SLCO3A1: variants seen among roughly 807,000 people sequenced by gnomAD.
The protein encoded by SLCO3A1 is solute carrier organic anion transporter family member 3A1.
In SLCO3A1, 27 loss-of-function variants were observed where a neutral mutation model predicts 63.1. That is an observed-to-expected ratio of 0.43 (90% confidence interval 0.32 to 0.59). The LOEUF (loss-of-function observed/expected upper bound fraction) is 0.59. Ranked by LOEUF, SLCO3A1 falls within the 20% of genes least tolerant of loss-of-function variation. The pLI is 0.09. For synonymous variants in SLCO3A1, 473 were observed against 409.9 expected (o/e 1.15, Z -1.86); for missense variants, 773 against 945.8 (o/e 0.82, Z 2.40).
At chr15:92,112,050 G>T (rs982576397) in intron 4 of SLCO3A1, among the ~76,000 whole-genome samples, 2 of 152,214 alleles carry the variant, frequency 1.3e-5, no homozygotes, top group African/African-American at 2.4e-5. Flanking sequence ...CTCACAGGAG[G>T]TTCAAAGGGA....
chr15:92,154,203 T>C lies in SLCO3A1; in HGVS notation c.1753+3189T>C, dbSNP rs74028836. The stretch of plus-strand genomic sequence containing the variant: ...GAAATAAAAGGAGGAATCTGCATTA[T>C]GCATTATTCTCCAAGTGGAAGCATA... On this transcript the variant is annotated intron_variant, in intron 9 of 9. Transcript: ENST00000318445. Among the ~76,000 whole-genome samples the C allele has an allele frequency of 9.0e-3, 1,367 of 152,324 alleles. 16 individuals carry two copies. Among genetic ancestry groups the C allele is most frequent in the African/African-American group, 0.031 (1,302 of 41,562 alleles).
At chr15:92,024,216 A>T (rs7165226) in intron 2 of SLCO3A1, among the ~76,000 whole-genome samples, 24,363 of 152,204 alleles carry the variant, frequency 0.16, 2,169 homozygotes, top group East Asian at 0.37. Context: ...CATACATATC[A>T]TGGGCAGAGT....
At chr15:91,928,714 TATTCAGGGC>T (rs1228031338) in intron 2 of SLCO3A1, among the ~76,000 whole-genome samples, 1 of 152,148 alleles carries the variant, frequency 6.6e-6, no homozygotes, top group Non-Finnish European at 1.5e-5. Context: ...GGGTCTGGGG[TATTCAGGGC>T]CTAGTTCTGT....
intron 2 of SLCO3A1, among the ~76,000 whole-genome samples, chr15:92,028,908 A>AGTGTGTGTGTGTGTGTGTGT (rs61238614): frequency 0.084 from 10,060 of 119,858 alleles, 823 homozygotes; most frequent in Admixed American, 0.12. Flanking sequence ...TGCAGGCACA[A>AGTGTGTGTGTGTGTGTGTGT]GTGTGTGTGT....
chr15:92,148,834 G>A (rs929357158), intron 8 of SLCO3A1: 11 of 152,284 alleles, frequency 7.2e-5, no homozygotes, highest in African/African-American at 2.7e-4. Context: ...TTATGGCACT[G>A]CAGCTCCATG....
rs1898650056 is a variant in SLCO3A1, at chr15:91,916,175, G to T, written c.363G>T (p.Leu121=). The T allele has an allele frequency of 1.2e-6, 2 of 1,600,342 alleles. No homozygotes were observed. Among genetic ancestry groups the T allele is most frequent in the East Asian group, 2.3e-5 (1 of 44,396 alleles). Residue 121 remains leucine (L), a synonymous_variant, in exon 2 of 10, where the codon CTG becomes CTT. Coordinates refer to ENST00000318445, the MANE Select transcript of SLCO3A1 (RefSeq NM_013272.4). This position sits in a 1 kb window ranked among gnomAD's most constrained non-coding sequence, Gnocchi z 6.2. ...CGGIVMALGA[L]LSALPEFLTH... is the part of the protein sequence containing the mutation. ...GCATCGTCATGGCGCTGGGCGCGCT[G>T]CTGTCGGCGCTGCCCGAGTTCCTGA...
At chr15:92,007,669 G>A (rs2046327291) in intron 2 of SLCO3A1, among the ~76,000 whole-genome samples, 1 of 152,154 alleles carries the variant, frequency 6.6e-6, no homozygotes, top group African/African-American at 2.4e-5. Context: ...GAATTAGTAG[G>A]CTTTTCTGAA....
At chr15:91,971,412 C>CAAAAAAAAAAAAAAAAAAAAAAAAAAAAA (rs1193750050) in intron 2 of SLCO3A1, among the ~76,000 whole-genome samples, 2 of 43,242 alleles carry the variant, frequency 4.6e-5, no homozygotes, top group Non-Finnish European at 1.0e-4. Context: ...AAAAAAAAAG[C>CAAAAAAAAAAAAAAAAAAAAAAAAAAAAA]AACCTCTTCC....
At chr15:92,125,558 T>C (rs531545454) in intron 5 of SLCO3A1, among the ~76,000 whole-genome samples, 3 of 152,250 alleles carry the variant, frequency 2.0e-5, no homozygotes, top group African/African-American at 7.2e-5. Context: ...GTGAATTCCG[T>C]GACCTTTAGG....
At chr15:92,114,719 CAT>C (rs2047772096) in intron 4 of SLCO3A1, among the ~76,000 whole-genome samples, 1 of 152,106 alleles carries the variant, frequency 6.6e-6, no homozygotes, top group South Asian at 2.1e-4. Context: ...CTGTGGGTCT[CAT>C]GTGTTGGGAA....
At chr15:92,080,938 C>CTG (rs542459686) in intron 2 of SLCO3A1, among the ~76,000 whole-genome samples, 12,324 of 128,638 alleles carry the variant, frequency 0.096, 725 homozygotes, top group East Asian at 0.22. Context: ...TACATAGTAG[C>CTG]TGTGTGTGTG....
At chr15:92,066,003 T>C (rs1007986260) in intron 2 of SLCO3A1, among the ~76,000 whole-genome samples, 4 of 152,224 alleles carry the variant, frequency 2.6e-5, no homozygotes, top group African/African-American at 9.7e-5. Context: ...TGAGCTTTCT[T>C]ACGGGCAACA....
intron 2 of SLCO3A1, among the ~76,000 whole-genome samples, chr15:92,045,505 A>G (rs1181248480): frequency 6.6e-6 from 1 of 152,178 alleles, no homozygotes; most frequent in African/African-American, 2.4e-5. Flanking sequence ...TGTAACCACT[A>G]TAATATGAAA....
At position 92,163,809 on chromosome 15, in the gene SLCO3A1, C is replaced by G. The variant is rs1211327808; in HGVS notation, c.*674C>G. 7 of 985,318 alleles carry G rather than the reference C, an allele frequency of 7.1e-6. No homozygotes were observed. Among genetic ancestry groups the G allele is most frequent in the Non-Finnish European group, 8.4e-6 (7 of 829,990 alleles). 61.0% of individuals were successfully genotyped at this position (985,318 alleles called of 1,614,324 possible). On this transcript the variant is annotated 3_prime_UTR_variant, in exon 10 of 10. Coordinates refer to ENST00000318445, the MANE Select transcript of SLCO3A1 (RefSeq NM_013272.4). ...TCCGTGCTGGAGTTTGTAATTGGCA[C>G]CTCTCACCAGCTCCATTTCCATGTT...
chr15:91,972,182 G>C (rs1900901433), intron 2 of SLCO3A1, among the ~76,000 whole-genome samples: 1 of 152,128 alleles, frequency 6.6e-6, no homozygotes, highest in Non-Finnish European at 1.5e-5. Context: ...TACCATATTT[G>C]AAGTCGTATG....
intron 2 of SLCO3A1, among the ~76,000 whole-genome samples, chr15:92,002,030 A>G (rs543985188): frequency 1.3e-5 from 2 of 152,112 alleles, no homozygotes; most frequent in South Asian, 2.1e-4. Context: ...TTGCTCTTCT[A>G]AGATCACTAC....
chr15:91,867,806 G>A lies in SLCO3A1; in HGVS notation c.180+13718G>A, dbSNP rs571572548. On this transcript the variant is annotated intron_variant, in intron 1 of 9. Transcript: ENST00000318445. ...GAGTGGAGCTGCCTGGTGACTGGGC[G>A]GAGGCCCCGGGTGTTCTGGGGGCTG... Among the ~76,000 whole-genome samples, 31 of 152,294 alleles carry A rather than the reference G, an allele frequency of 2.0e-4. No homozygotes were observed. The East Asian group carries it at 3.9e-3, about 19-fold the overall frequency.
chr15:91,976,655 C>A (rs1488448678), intron 2 of SLCO3A1, among the ~76,000 whole-genome samples: 1 of 152,038 alleles, frequency 6.6e-6, no homozygotes, highest in Non-Finnish European at 1.5e-5. Flanking sequence ...TCCTTAAGTG[C>A]CGGCCAGCTT....
intron 1 of SLCO3A1, among the ~76,000 whole-genome samples, chr15:91,880,407 C>CTGTGTGTGTGTGTGTGTGTGTGTGTGTG (rs1235050747): frequency 3.5e-5 from 5 of 142,952 alleles, no homozygotes; most frequent in African/African-American, 1.3e-4. Flanking sequence ...CTCTCTCTCT[C>CTGTGTGTGTGTGTGTGTGTGTGTGTGTG]TCTGTGTGTG....
Sources: gnomAD v4.1 joint callset for allele counts (sites outside exome capture counted in the v4.1 genomes callset) on GRCh38, gnomAD v4.1.1 for gene constraint, Gnocchi (gnomAD v3.1) non-coding constraint, MANE v1.5 for transcripts, NCBI Gene and HGNC (gene_info 2026-07-23, HGNC 2026-07-21) for gene names.